Variants in SLC38A4 observed in about 807,000 individuals in gnomAD.
The protein encoded by SLC38A4 is solute carrier family 38 member 4.
In SLC38A4, 20 loss-of-function variants were observed where a neutral mutation model predicts 63.1. The observed-to-expected ratio is 0.32, with a 90% CI of 0.22 to 0.46. The LOEUF (loss-of-function observed/expected upper bound fraction) is 0.46. SLC38A4 is among the 20% of genes least tolerant of loss of function. SLC38A4 has a pLI of 1.00. For synonymous variants in SLC38A4, 230 were observed against 225.5 expected (o/e 1.02, Z -0.18); for missense variants, 526 against 663.6 (o/e 0.79, Z 2.28).
intron 15 of SLC38A4, 111 bp downstream of exon 15, chr12:46,769,173 C>A: frequency 1.7e-6 from 2 of 1,209,596 alleles, no homozygotes; most frequent in Non-Finnish European, 2.4e-6. Flanking sequence ...AAAGGGAATC[C>A]ATGAGCCTGA....
intron 1 of SLC38A4, among the ~76,000 whole-genome samples, chr12:46,807,331 T>C (rs1001696601): frequency 2.6e-5 from 4 of 152,060 alleles, no homozygotes; most frequent in Non-Finnish European, 4.4e-5. Flanking sequence ...GTATTTATGA[T>C]GCCTTATTCT....
chr12:46,784,194 A>T (rs1312071457), intron 7 of SLC38A4, among the ~76,000 whole-genome samples: 1 of 152,114 alleles, frequency 6.6e-6, no homozygotes, highest in African/African-American at 2.4e-5. Flanking sequence ...AGTCACACAT[A>T]GAAAACGTCA....
intron 2 of SLC38A4, among the ~76,000 whole-genome samples, chr12:46,797,974 T>C (rs1939052156): frequency 6.6e-6 from 1 of 152,178 alleles, no homozygotes; most frequent in South Asian, 2.1e-4. Context: ...CTTTACAAAG[T>C]CTGGTTGACT....
At chr12:46,806,052 A>G (rs1237255414) in intron 1 of SLC38A4, among the ~76,000 whole-genome samples, 2 of 151,916 alleles carry the variant, frequency 1.3e-5, no homozygotes, top group Non-Finnish European at 2.9e-5. Flanking sequence ...GAGAGCCCAC[A>G]GACCTTGAGC....
intron 2 of SLC38A4, among the ~76,000 whole-genome samples, chr12:46,796,557 G>T (rs1939009505): frequency 6.6e-6 from 1 of 152,146 alleles, no homozygotes; most frequent in South Asian, 2.1e-4. Flanking sequence ...CTCCCTTGTA[G>T]GTTCTGTGTA....
At chr12:46,768,563 T>C (rs1428177412) in intron 15 of SLC38A4, among the ~76,000 whole-genome samples, 156 bp from the exon 16 acceptor site, 3 of 152,156 alleles carry the variant, frequency 2.0e-5, no homozygotes, top group Non-Finnish European at 4.4e-5. Flanking sequence ...CTTGGTTATT[T>C]ATTCATAGAA....
chr12:46,776,838 C>T, intron 13 of SLC38A4, 66 bp downstream of exon 13: 2 of 1,383,064 alleles, frequency 1.4e-6, no homozygotes, highest in Non-Finnish European at 1.0e-6. Flanking sequence ...AAAATCATAC[C>T]TACCCAGGTC....
At chr12:46,775,333 C>A (rs1938500948) in intron 13 of SLC38A4, among the ~76,000 whole-genome samples, 160 bp from the exon 14 acceptor site, 1 of 152,066 alleles carries the variant, frequency 6.6e-6, no homozygotes, top group Admixed American at 6.6e-5. Flanking sequence ...AGCTATGCAA[C>A]CTTCATTCAA....
chr12:46,817,556 G>T (rs1939465408), intron 1 of SLC38A4, among the ~76,000 whole-genome samples: 1 of 151,706 alleles, frequency 6.6e-6, no homozygotes, highest in South Asian at 2.1e-4. Context: ...AACCCTTCTT[G>T]CACTTATTGT....
intron 5 of SLC38A4, among the ~76,000 whole-genome samples, chr12:46,785,767 T>C (rs1938748769): frequency 7.4e-6 from 1 of 135,318 alleles, no homozygotes; most frequent in Non-Finnish European, 1.6e-5. Context: ...TTTTTTGCAT[T>C]CAGAGTTATT....
At chr12:46,817,298 T>A (rs1172510799) in intron 1 of SLC38A4, among the ~76,000 whole-genome samples, 8 of 151,800 alleles carry the variant, frequency 5.3e-5, no homozygotes, top group Admixed American at 4.6e-4. Context: ...ATGTTTGGCC[T>A]TTTTCTATCA....
At chr12:46,797,994 A>C (rs1939052497) in intron 2 of SLC38A4, among the ~76,000 whole-genome samples, 1 of 152,116 alleles carries the variant, frequency 6.6e-6, no homozygotes, top group Non-Finnish European at 1.5e-5. Context: ...TTTTACAATA[A>C]ACTGAAGTAT....
At chr12:46,828,059 T>G (rs1257418228), upstream of SLC38A4, among the ~76,000 whole-genome samples, 1 of 152,030 alleles carries the variant, frequency 6.6e-6, no homozygotes, top group African/African-American at 2.4e-5. Context: ...TCCCAAGCAT[T>G]CTCTACTGAC....
intron 14 of SLC38A4, among the ~76,000 whole-genome samples, chr12:46,772,824 T>C (rs1444614761): frequency 2.0e-5 from 3 of 152,066 alleles, no homozygotes; most frequent in Non-Finnish European, 4.4e-5. Flanking sequence ...AGCTGATAGA[T>C]TTTAATTCAG....
chr12:46,814,768 C>A (rs1417843138), intron 1 of SLC38A4, among the ~76,000 whole-genome samples: 1 of 151,920 alleles, frequency 6.6e-6, no homozygotes, highest in Non-Finnish European at 1.5e-5. Flanking sequence ...CTTGATCAAA[C>A]AAGACAACAT....
At chr12:46,812,021 T>A (rs542272933) in intron 1 of SLC38A4, among the ~76,000 whole-genome samples, 1 of 152,062 alleles carries the variant, frequency 6.6e-6, no homozygotes, top group Non-Finnish European at 1.5e-5. Context: ...TATTTTAAAA[T>A]CCACCTAAGT....
chr12:46,804,589 C>T (rs550810736), intron 1 of SLC38A4, among the ~76,000 whole-genome samples: 1 of 152,036 alleles, frequency 6.6e-6, no homozygotes, highest in South Asian at 2.1e-4. Flanking sequence ...ATTCCTATTT[C>T]TATAAAAGAA....
At chr12:46,826,573 C>T (rs2120936923), upstream of SLC38A4, among the ~76,000 whole-genome samples, 1 of 152,270 alleles carries the variant, frequency 6.6e-6, no homozygotes, top group Non-Finnish European at 1.5e-5. Flanking sequence ...CCTAAAATCC[C>T]TGTGAGGTTG....
chr12:46,797,845 C>A (rs1295553155), intron 2 of SLC38A4, among the ~76,000 whole-genome samples: 1 of 152,064 alleles, frequency 6.6e-6, no homozygotes, highest in Non-Finnish European at 1.5e-5. Context: ...TTGTGATAGG[C>A]CCTCTTCTTC....
Sources: allele counts gnomAD v4.1 joint callset (sites outside exome capture counted in the v4.1 genomes callset), GRCh38; gene constraint gnomAD v4.1.1; transcripts MANE v1.5; gene names NCBI Gene and HGNC (gene_info 2026-07-23, HGNC 2026-07-21).